AP1S3: variants seen among roughly 807,000 people sequenced by gnomAD.
The protein encoded by AP1S3 is AP-1 complex subunit sigma-3.
Under a neutral mutation model 20.9 loss-of-function variants are expected in AP1S3, and 10 were observed. The ratio of observed to expected loss-of-function variants is 0.48; its 90% CI spans 0.29 to 0.81. The LOEUF is 0.81. AP1S3 is among the 30% of genes least tolerant of loss of function. AP1S3 has a pLI of 0.08. For synonymous variants in AP1S3, 41 were observed against 61.5 expected (o/e 0.67, Z 1.56); for missense variants, 154 against 183.8 (o/e 0.84, Z 0.94).
At chr2:223,788,359 T>A (rs1691124255) in intron 1 of AP1S3, among the ~76,000 whole-genome samples, 2 of 146,488 alleles carry the variant, frequency 1.4e-5, no homozygotes, top group South Asian at 4.9e-4. Context: ...ACGCCTGTAA[T>A]CCCAGCACTC....
At chr2:223,832,137 G>C (rs683786) in intron 1 of AP1S3, among the ~76,000 whole-genome samples, 3,651 of 37,258 alleles carry the variant, frequency 0.098, 193 homozygotes, top group Middle Eastern at 0.21. Flanking sequence ...TTTTCTCTCT[G>C]TGTGTGTGTG....
At chr2:223,768,800 A>T (rs1690541915) in intron 3 of AP1S3, among the ~76,000 whole-genome samples, 1 of 152,202 alleles carries the variant, frequency 6.6e-6, no homozygotes, top group South Asian at 2.1e-4. Flanking sequence ...GGTTGCAGTG[A>T]GCCAAAATCA....
chr2:223,811,001 A>AT (rs540805843), intron 1 of AP1S3, among the ~76,000 whole-genome samples: 14 of 151,576 alleles, frequency 9.2e-5, no homozygotes, highest in Admixed American at 2.6e-4. Flanking sequence ...GAAATTTCCC[A>AT]TTTTTTTTAT....
At chr2:223,779,264 C>T (rs1486038993) in intron 1 of AP1S3, among the ~76,000 whole-genome samples, 1 of 152,148 alleles carries the variant, frequency 6.6e-6, no homozygotes, top group African/African-American at 2.4e-5. Context: ...TTGGAAGGTA[C>T]AGTATTTGGT....
intron 1 of AP1S3, among the ~76,000 whole-genome samples, chr2:223,818,811 C>T (rs1691918491): frequency 6.6e-6 from 1 of 152,174 alleles, no homozygotes; most frequent in Non-Finnish European, 1.5e-5. Context: ...ACCTTGGCCT[C>T]CCAAAGTGCT....
rs1275743056 is a variant in AP1S3 at position 223,759,284 on chromosome 2, C to CA, written c.430-535dup. Among the ~76,000 whole-genome samples the CA allele has an allele frequency of 2.8e-3, 350 of 126,212 alleles. 1 individual carries two copies. Among genetic ancestry groups the CA allele is most frequent in the South Asian group, 0.015 (56 of 3,722 alleles). 82.8% of individuals were successfully genotyped at this position (126,212 alleles called of 152,430 possible). On this transcript the variant is annotated intron_variant, in intron 4 of 4. Coordinates refer to ENST00000396654, the MANE Select transcript of AP1S3 (RefSeq NM_001039569.2). Reference sequence around the variant, plus strand: ...ACAGAGTGAGACTCCGTCTCAAAAACAAAAAAAAAAAAGAGAGAGAGAGAG... The same window carrying CA: ...ACAGAGTGAGACTCCGTCTCAAAAACAAAAAAAAAAAAAGAGAGAGAGAGAG...
chr2:223,764,187 G>A (rs1044620810), intron 4 of AP1S3, among the ~76,000 whole-genome samples: 4 of 148,214 alleles, frequency 2.7e-5, no homozygotes, highest in African/African-American at 1.0e-4. Flanking sequence ...CCAAAGTGCT[G>A]GGATTACAGG....
chr2:223,763,176 C>T (rs1002338827), intron 4 of AP1S3, among the ~76,000 whole-genome samples: 4 of 152,136 alleles, frequency 2.6e-5, no homozygotes, highest in Non-Finnish European at 1.5e-5. Context: ...GCCTGCTCAC[C>T]ATAGGGACAC....
chr2:223,755,481 C>T lies in AP1S3; in HGVS notation c.*3234G>A, dbSNP rs899371815. 5.3e-5 allele frequency among the ~76,000 whole-genome samples: 8 copies of T among 151,702 alleles called. No individual in the cohort carries two copies. The highest frequency in any genetic ancestry group is 8.8e-5 in the Non-Finnish European group (6 of 67,964). ...GGCCCATGGAAGATGTCCCTAAAATCCCTCAAATTTACCCCACTGTGCCAT... is the reference window on the plus strand; with the variant it reads ...GGCCCATGGAAGATGTCCCTAAAATTCCTCAAATTTACCCCACTGTGCCAT... On this transcript the variant is annotated 3_prime_UTR_variant, in exon 5 of 5. Coordinates refer to ENST00000396654, the MANE Select transcript of AP1S3 (RefSeq NM_001039569.2).
chr2:223,783,391 G>T (rs973504880), intron 1 of AP1S3, among the ~76,000 whole-genome samples: 1 of 152,170 alleles, frequency 6.6e-6, no homozygotes, highest in Admixed American at 6.5e-5. Context: ...CAAACCCAAA[G>T]ACATCAGGTG....
At chr2:223,775,813 G>A in intron 3 of AP1S3, 88 bp downstream of exon 3, 2 of 945,734 alleles carry the variant, frequency 2.1e-6, no homozygotes, top group Non-Finnish European at 3.3e-6. Flanking sequence ...AGATGTGACA[G>A]AGAGAAGGGA....
intron 1 of AP1S3, among the ~76,000 whole-genome samples, chr2:223,820,240 A>C (rs1217050719): frequency 1.3e-5 from 2 of 152,176 alleles, no homozygotes; most frequent in South Asian, 2.1e-4. Context: ...CCAGTGATTT[A>C]CATAAGGGAC....
chr2:223,782,211 C>T (rs1428320823), intron 1 of AP1S3, among the ~76,000 whole-genome samples: 1 of 152,034 alleles, frequency 6.6e-6, no homozygotes, highest in Non-Finnish European at 1.5e-5. Context: ...TGGGGTTTCA[C>T]CATGTTGGCC....
chr2:223,819,674 C>A (rs1369622730), intron 1 of AP1S3, among the ~76,000 whole-genome samples: 1 of 151,568 alleles, frequency 6.6e-6, no homozygotes, highest in East Asian at 1.9e-4. Flanking sequence ...AATTTTGCAT[C>A]CTTTTTGGCC....
At chr2:223,788,511 T>C (rs576351614) in intron 1 of AP1S3, among the ~76,000 whole-genome samples, 3 of 149,524 alleles carry the variant, frequency 2.0e-5, no homozygotes, top group South Asian at 4.2e-4. Flanking sequence ...CCCAGCACTT[T>C]GGGAGGCTGA....
chr2:223,822,813 G>A (rs1692021659), intron 1 of AP1S3, among the ~76,000 whole-genome samples: 1 of 151,974 alleles, frequency 6.6e-6, no homozygotes, highest in African/African-American at 2.4e-5. Flanking sequence ...TATGAAATGG[G>A]AGAAAATATT....
chr2:223,768,553 C>A (rs1444017222), intron 3 of AP1S3, among the ~76,000 whole-genome samples: 1 of 152,086 alleles, frequency 6.6e-6, no homozygotes, highest in East Asian at 1.9e-4. Context: ...AATGAATGAG[C>A]AAGTTTAAGT....
At chr2:223,788,646 C>A (rs980833582) in intron 1 of AP1S3, among the ~76,000 whole-genome samples, 1 of 151,446 alleles carries the variant, frequency 6.6e-6, no homozygotes, top group Non-Finnish European at 1.5e-5. Flanking sequence ...TGCCTGTAAT[C>A]CCAGCTACTT....
intron 1 of AP1S3, among the ~76,000 whole-genome samples, chr2:223,799,068 T>C (rs1450827824): frequency 6.6e-6 from 1 of 152,130 alleles, no homozygotes; most frequent in East Asian, 1.9e-4. Flanking sequence ...TGAAACTCCA[T>C]TTCAAAATAA....
Sources: gnomAD v4.1 joint callset for allele counts (sites outside exome capture counted in the v4.1 genomes callset) on GRCh38, gnomAD v4.1.1 for gene constraint, MANE v1.5 for transcripts, NCBI Gene and HGNC (gene_info 2026-07-23, HGNC 2026-07-21) for gene names.